GHR: variants seen among roughly 807,000 people sequenced by gnomAD.
The protein encoded by GHR is growth hormone receptor, also known as GH receptor.
In GHR, 35 loss-of-function variants were observed where a neutral mutation model predicts 67.1. The ratio of observed to expected loss-of-function variants is 0.52; its 90% CI spans 0.40 to 0.69. The LOEUF is 0.69. GHR is among the 30% of genes least tolerant of loss of function. GHR has a pLI of 0.00. For synonymous variants in GHR, 272 were observed against 269.1 expected, an observed-to-expected ratio of 1.01 and a Z score of -0.10; for missense variants, 792 against 764.6, an observed-to-expected ratio of 1.04 and a Z score of -0.42.
At chr5:42,537,753 A>T (rs1267271100) in intron 1 of GHR, among the ~76,000 whole-genome samples, 2 of 151,960 alleles carry the variant, frequency 1.3e-5, no homozygotes, top group Non-Finnish European at 2.9e-5. Context: ...CTGTCAGTGG[A>T]ATATTGAAGT....
chr5:42,488,139 T>A (rs573903137), intron 1 of GHR, among the ~76,000 whole-genome samples: 1 of 152,376 alleles, frequency 6.6e-6, no homozygotes, highest in East Asian at 1.9e-4. Flanking sequence ...CATCATACAA[T>A]GTATCTATTA....
rs1287825465 is a variant in GHR, at chr5:42,719,088, C to T, written c.1581C>T (p.Asn527=). The T allele has an allele frequency of 2.0e-5, 33 of 1,613,364 alleles. No homozygotes were observed. The highest frequency in any genetic ancestry group is 2.7e-5 in the Non-Finnish European group (32 of 1,179,428). ...AAATGGTCTCACTCTGCCAAGAAAA[C>T]TTCCTTATGGACAATGCCTACTTCT... is the stretch of plus-strand genomic sequence containing the variant. ...HPEMVSLCQE[N]FLMDNAYFCE... The change falls in exon 10 of 10, where the codon AAC becomes AAT. Residue 527 remains asparagine, a synonymous_variant. Coordinates refer to ENST00000230882, the MANE Select transcript of GHR (RefSeq NM_000163.5).
At chr5:42,484,094 A>G (rs757444912) in intron 1 of GHR, among the ~76,000 whole-genome samples, 4 of 152,182 alleles carry the variant, frequency 2.6e-5, no homozygotes, top group Non-Finnish European at 5.9e-5. Context: ...GATCATGTTT[A>G]TAAGTGTGTA....
intron 3 of GHR, among the ~76,000 whole-genome samples, chr5:42,640,840 G>C (rs575060094): frequency 6.6e-6 from 1 of 151,902 alleles, no homozygotes; most frequent in East Asian, 1.9e-4. Flanking sequence ...TTTGCGTCCT[G>C]AAAGACCCTC....
chr5:42,467,870 A>C (rs1470467693), intron 1 of GHR: 2 of 892,608 alleles, frequency 2.2e-6, no homozygotes, highest in Non-Finnish European at 3.5e-6. Context: ...GTATTTTCCC[A>C]CAGATTTCTT....
chr5:42,644,555 CTT>C (rs1447514356), intron 3 of GHR, among the ~76,000 whole-genome samples: 1 of 151,958 alleles, frequency 6.6e-6, no homozygotes, highest in African/African-American at 2.4e-5. Flanking sequence ...CAAAAGATGT[CTT>C]TTGAAACATG....
intron 4 of GHR, among the ~76,000 whole-genome samples, chr5:42,690,754 T>C (rs939106461): frequency 2.0e-5 from 3 of 152,110 alleles, no homozygotes; most frequent in Non-Finnish European, 4.4e-5. Flanking sequence ...GCACCAAGTA[T>C]ACTATATTTT....
At chr5:42,657,319 T>C (rs1342994227) in intron 3 of GHR, among the ~76,000 whole-genome samples, 5 of 152,172 alleles carry the variant, frequency 3.3e-5, no homozygotes. Context: ...TAAGGTCTCT[T>C]CTAGCTCTAA....
At position 42,455,274 on chromosome 5, in the gene GHR, T is replaced by TCAAAGG. The variant is rs1396295429; in HGVS notation, c.-12+31320_-12+31325dup. On this transcript the variant is annotated intron_variant, in intron 1 of 9. Transcript: ENST00000230882. ...AGTTTGCAGCAGCCTGTCACTTCTTTCAAAGGATCTGTGAATTCTTTCCAT... is the reference window on the plus strand; with the variant it reads ...AGTTTGCAGCAGCCTGTCACTTCTTTCAAAGGCAAAGGATCTGTGAATTCTTTCCAT... 5.3e-5 allele frequency among the ~76,000 whole-genome samples: 8 copies of TCAAAGG among 152,286 alleles called. No homozygotes were observed. The East Asian group carries it at 1.4e-3, about 26-fold the overall frequency.
At position 42,711,376 on chromosome 5, in the gene GHR, A is replaced by C. The variant is rs1247850049; in HGVS notation, c.784+4A>C. The C allele has an allele frequency of 6.3e-7, 1 of 1,597,818 alleles. No homozygotes were observed. Among genetic ancestry groups the C allele is most frequent in the Non-Finnish European group, 8.6e-7 (1 of 1,165,196 alleles). ...AGCCAATTTACATGTGAAGAAGGTAAAAGAAATAAAAGATTAAAATAGTAG... is the reference window on the plus strand; with the variant it reads ...AGCCAATTTACATGTGAAGAAGGTACAAGAAATAAAAGATTAAAATAGTAG... On this transcript the variant is annotated splice_donor_region_variant and intron_variant, in intron 7 of 9. Transcript: ENST00000230882.
chr5:42,635,437 G>A (rs1288046850), intron 3 of GHR, among the ~76,000 whole-genome samples: 1 of 152,162 alleles, frequency 6.6e-6, no homozygotes, highest in African/African-American at 2.4e-5. Flanking sequence ...TCTGTCCCTA[G>A]GTAAGTAAAA....
intron 3 of GHR, among the ~76,000 whole-genome samples, chr5:42,639,206 G>T (rs1754348914): frequency 6.6e-6 from 1 of 152,168 alleles, no homozygotes; most frequent in Non-Finnish European, 1.5e-5. Context: ...GCACCATACA[G>T]CTCCAGTTTG....
In GHR at chr5:42,565,561, G is replaced by A. The variant is rs571737256; in HGVS notation, c.-11-303G>A. The A allele has an allele frequency of 1.1e-5, 11 of 985,398 alleles. No homozygotes were observed. The African/African-American group carries it at 1.7e-4, about 16-fold the overall frequency. The allele number at this position is 985,398 out of a possible 1,614,324, so 61.0% of individuals were successfully genotyped here. ...CCTTACTGGCCCTGTTACTGAAGCT[G>A]TGCATGGGGGTCGTTTGCTGTGAGG... On this transcript the variant is annotated intron_variant, in intron 1 of 9. Coordinates refer to ENST00000230882, the MANE Select transcript of GHR (RefSeq NM_000163.5).
At chr5:42,429,360 G>C (rs575918402) in intron 1 of GHR, among the ~76,000 whole-genome samples, 1 of 152,308 alleles carries the variant, frequency 6.6e-6, no homozygotes, top group Admixed American at 6.5e-5. Flanking sequence ...GGGGATTATG[G>C]TAGCTACAAT....
chr5:42,435,069 G>A (rs1187563582), intron 1 of GHR, among the ~76,000 whole-genome samples: 1 of 152,216 alleles, frequency 6.6e-6, no homozygotes, highest in African/African-American at 2.4e-5. Context: ...GGGCACTGCA[G>A]ATATAGAGAA....
chr5:42,479,673 A>T (rs2112145041), intron 1 of GHR, among the ~76,000 whole-genome samples: 1 of 152,300 alleles, frequency 6.6e-6, no homozygotes, highest in South Asian at 2.1e-4. Flanking sequence ...TTATTTGCGT[A>T]AAGGTGTTTA....
At chr5:42,488,356 T>C (rs1745971509) in intron 1 of GHR, among the ~76,000 whole-genome samples, 1 of 152,210 alleles carries the variant, frequency 6.6e-6, no homozygotes, top group Non-Finnish European at 1.5e-5. Flanking sequence ...CGTAAGTAAA[T>C]GGCTTAGCTG....
chr5:42,649,795 GT>G (rs1412385449), intron 3 of GHR, among the ~76,000 whole-genome samples: 1 of 152,208 alleles, frequency 6.6e-6, no homozygotes, highest in Non-Finnish European at 1.5e-5. Context: ...TGGGCATAGA[GT>G]GGGGTGATTT....
In GHR at chr5:42,718,612, G is replaced by A. The variant is rs745480292; in HGVS notation, c.1105G>A (p.Asp369Asn). ...AGACACAGACAGACTTCTAAGCAGT[G>A]ACCATGAGAAATCACATAGTAACCT... Reference protein sequence around the residue: ...ESDTDRLLSSDHEKSHSNLGV... With the variant: ...ESDTDRLLSSNHEKSHSNLGV... The change falls in exon 10 of 10, where the codon GAC becomes AAC. Residue 369 changes from aspartate (D) to asparagine (N), a missense_variant. Physicochemically the swap from Asp to Asn is conservative, Grantham distance 23. Coordinates refer to ENST00000230882, the MANE Select transcript of GHR (RefSeq NM_000163.5). 7.4e-6 allele frequency: 12 copies of A among 1,613,874 alleles called. No homozygotes were observed. The highest frequency in any genetic ancestry group is 1.0e-5 in the Non-Finnish European group (12 of 1,179,776).
Sources: allele counts gnomAD v4.1 joint callset (sites outside exome capture counted in the v4.1 genomes callset), GRCh38; gene constraint gnomAD v4.1.1; transcripts MANE v1.5; gene names NCBI Gene and HGNC (gene_info 2026-07-23, HGNC 2026-07-21).